The following SRCIN1 variants were observed in gnomAD, a reference collection of about 807,000 sequenced individuals.
SRCIN1 encodes the protein SRC kinase signaling inhibitor 1, also known as P130Cas-associated protein.
In SRCIN1, 50 loss-of-function variants were observed where a neutral mutation model predicts 116.2. That is an observed-to-expected ratio of 0.43 (90% CI 0.34 to 0.54). SRCIN1 has a LOEUF of 0.54. Among genes scored for constraint, SRCIN1 ranks in the 20% least tolerant of loss-of-function variants. SRCIN1 has a pLI of 0.02. For missense variants in SRCIN1, 1,446 were observed against 1,672.0 expected (o/e 0.86, Z 2.36); for synonymous variants, 736 against 750.0 (o/e 0.98, Z 0.30).
intron 2 of SRCIN1, among the ~76,000 whole-genome samples, chr17:38,570,595 C>T (rs1170370696): frequency 1.3e-5 from 2 of 151,892 alleles, no homozygotes; most frequent in Admixed American, 1.3e-4. Context: ...CCCACCCTGC[C>T]ACCAGTGTCA....
intron 17 of SRCIN1, among the ~76,000 whole-genome samples, chr17:38,548,255 G>A (rs1027262582): frequency 2.6e-5 from 4 of 152,134 alleles, no homozygotes; most frequent in Non-Finnish European, 5.9e-5. Context: ...CTCCAAACTC[G>A]GTGATCTCAG....
intron 18 of SRCIN1, among the ~76,000 whole-genome samples, 155 bp from the exon 19 acceptor site, chr17:38,533,586 C>G (rs1239023303): frequency 1.4e-5 from 1 of 72,444 alleles, no homozygotes; most frequent in African/African-American, 5.5e-5. Flanking sequence ...AGAGGGGTCC[C>G]TTGAATGGTG....
Position 38,563,947 on chromosome 17 carries a change from G to C in SRCIN1, c.541+171C>G. 1 of 732,660 alleles carries C rather than the reference G, an allele frequency of 1.4e-6. No homozygotes were observed. Among genetic ancestry groups the C allele is most frequent in the Non-Finnish European group, 2.2e-6 (1 of 450,866 alleles). The allele number at this position is 732,660 out of a possible 1,614,324, so 45.4% of individuals were successfully genotyped here. On this transcript the variant is annotated intron_variant, in intron 4 of 18. Coordinates refer to ENST00000617146, the MANE Select transcript of SRCIN1 (RefSeq NM_025248.3). This position sits in a 1 kb window ranked among gnomAD's most constrained non-coding sequence, Gnocchi z 5.8. The stretch of plus-strand genomic sequence containing the variant: ...GAAAGGGGTCGGGTGGGGATGCTGA[G>C]GGCGAGAGAGAGATGGAGAGAGCTG...
rs1343040513 is a variant in SRCIN1, at chr17:38,562,770, C to A, written c.834+57G>T. On this transcript the variant is annotated intron_variant, in intron 6 of 18. Coordinates refer to ENST00000617146, the MANE Select transcript of SRCIN1 (RefSeq NM_025248.3). The surrounding 1 kb of genome is among the most constrained non-coding windows in gnomAD (Gnocchi z 4.2). ...CCAGATGACAACTGCCCAGACCCTG[C>A]TCCCCTGGACCCCATGTGCCCAGCC... The A allele has an allele frequency of 1.3e-6, 2 of 1,490,790 alleles. No homozygotes were observed. Among genetic ancestry groups the A allele is most frequent in the Non-Finnish European group, 1.9e-6 (2 of 1,080,072 alleles). 92.3% of individuals were successfully genotyped at this position (1,490,790 alleles called of 1,614,324 possible).
In SRCIN1 at chr17:38,558,199, C is replaced by T; in HGVS notation, c.2201+28G>A. ...GGGTCACTCCAGCCGCACCCCCACCCCTCCCTCCGCCGCGGGCCCAGCCTC... is the reference window on the plus strand; with the variant it reads ...GGGTCACTCCAGCCGCACCCCCACCTCTCCCTCCGCCGCGGGCCCAGCCTC... On this transcript the variant is annotated intron_variant, in intron 11 of 18. Transcript: ENST00000617146. The surrounding 1 kb of genome is among the most constrained non-coding windows in gnomAD (Gnocchi z 4.6). The T allele has an allele frequency of 1.9e-6, 3 of 1,605,030 alleles. No individual in the cohort carries two copies. The highest frequency in any genetic ancestry group is 2.6e-6 in the Non-Finnish European group (3 of 1,174,372).
chr17:38,580,333 G>T (rs906144038), intron 1 of SRCIN1, among the ~76,000 whole-genome samples: 1 of 152,098 alleles, frequency 6.6e-6, no homozygotes, highest in Non-Finnish European at 1.5e-5. Context: ...CAATGGTTGG[G>T]TTGTGTCCAT....
At position 38,578,613 on chromosome 17, in the gene SRCIN1, C is replaced by G; in HGVS notation, c.201G>C (p.Ala67=). The change falls in exon 2 of 19, where the codon GCG becomes GCC. Residue 67 remains alanine, a synonymous_variant. Coordinates refer to ENST00000617146, the MANE Select transcript of SRCIN1 (RefSeq NM_025248.3). ...CGTCCGCCTTCTGGAGCCCGCTGAG[C>G]GCCTCCAGACTCTGGGCCGCGATCA... ...HTVIAAQSLE[A]LSGLQKADAD... 3.7e-6 allele frequency: 6 copies of G among 1,609,414 alleles called. No individual in the cohort carries two copies. The highest frequency in any genetic ancestry group is 5.1e-6 in the Non-Finnish European group (6 of 1,178,246).
At chr17:38,578,854 C>A in intron 1 of SRCIN1, 63 bp from the exon 2 acceptor site, 2 of 1,427,952 alleles carry the variant, frequency 1.4e-6, no homozygotes, top group South Asian at 1.5e-5. Context: ...TGCCCATCCC[C>A]CAAGGGGGTC....
At chr17:38,595,765 A>C (rs2143435229) in intron 1 of SRCIN1, among the ~76,000 whole-genome samples, 1 of 149,978 alleles carries the variant, frequency 6.7e-6, no homozygotes, top group East Asian at 2.0e-4. Context: ...TCTTCACCCC[A>C]GCCCTAGCTT....
chr17:38,562,685 C>T lies in SRCIN1; in HGVS notation c.834+142G>A, dbSNP rs1906354667. The T allele has an allele frequency of 1.4e-6, 1 of 722,226 alleles. No individual in the cohort carries two copies. The highest frequency in any genetic ancestry group is 2.3e-6 in the Non-Finnish European group (1 of 440,188). 44.7% of individuals were successfully genotyped at this position (722,226 alleles called of 1,614,324 possible). On this transcript the variant is annotated intron_variant, in intron 6 of 18. Coordinates refer to ENST00000617146, the MANE Select transcript of SRCIN1 (RefSeq NM_025248.3). The surrounding 1 kb of genome is among the most constrained non-coding windows in gnomAD (Gnocchi z 4.2). Reference sequence around the variant, plus strand: ...ATGGAGGGGAAAGTGGCAGGTGGGACAGGGGCTCTTCCCTAACCCCTCAGC... The same window carrying T: ...ATGGAGGGGAAAGTGGCAGGTGGGATAGGGGCTCTTCCCTAACCCCTCAGC...
chr17:38,606,536 G>T (rs1909377962), upstream of SRCIN1, among the ~76,000 whole-genome samples: 1 of 151,968 alleles, frequency 6.6e-6, no homozygotes, highest in African/African-American at 2.4e-5. The surrounding 1 kb of genome is among the most constrained non-coding windows in gnomAD (Gnocchi z 5.2). Flanking sequence ...CCGCCGCCTC[G>T]CCCCCGCTCC....
chr17:38,543,151 G>A (rs1002388972), intron 18 of SRCIN1: 23 of 456,562 alleles, frequency 5.0e-5, no homozygotes, highest in African/African-American at 3.8e-4. Flanking sequence ...AAGAGATTGC[G>A]GCATCCCTGC....
intron 1 of SRCIN1, among the ~76,000 whole-genome samples, chr17:38,595,047 A>G (rs1908649087): frequency 6.6e-6 from 1 of 152,190 alleles, no homozygotes; most frequent in African/African-American, 2.4e-5. Flanking sequence ...CAGGGGGAAC[A>G]GGGGCAGATA....
chr17:38,555,134 C>T (rs1467231897), intron 11 of SRCIN1, among the ~76,000 whole-genome samples: 1 of 152,210 alleles, frequency 6.6e-6, no homozygotes, highest in East Asian at 1.9e-4. Flanking sequence ...CAAAACAAAT[C>T]CTGGAGGTGG....
Position 38,563,429 on chromosome 17 carries a change from G to T in SRCIN1, c.634C>A (p.His212Asn). ...ATGGTGAGCTTCTGCGGGAACATGT[G>T]CGCGATGAGTGCGTGCAGCGTGTCC... ...SLDTLHALIA[H>N]MFPQKLTMGM... The change falls in exon 5 of 19, where the codon CAC becomes AAC. Residue 212 changes from histidine (H) to asparagine (N), a missense_variant. Transcript: ENST00000617146. The surrounding 1 kb of genome is among the most constrained non-coding windows in gnomAD (Gnocchi z 5.8). 17 of 1,567,500 alleles carry T rather than the reference G, an allele frequency of 1.1e-5. No homozygotes were observed. The highest frequency in any genetic ancestry group is 1.5e-5 in the Non-Finnish European group (17 of 1,155,420).
chr17:38,534,811 C>T (rs549237516), intron 18 of SRCIN1, among the ~76,000 whole-genome samples: 1 of 152,232 alleles, frequency 6.6e-6, no homozygotes, highest in South Asian at 2.1e-4. Flanking sequence ...TGTAGTTTGC[C>T]ATCTACATTT....
intron 1 of SRCIN1, among the ~76,000 whole-genome samples, chr17:38,590,585 G>A (rs1297881802): frequency 5.3e-5 from 8 of 152,302 alleles, no homozygotes; most frequent in Non-Finnish European, 1.0e-4. Context: ...ATCTCAAAGG[G>A]CTCGTGCAGC....
chr17:38,559,156 CT>C, intron 10 of SRCIN1: 1 of 200,434 alleles, frequency 5.0e-6, no homozygotes, highest in Non-Finnish European at 1.0e-5. Flanking sequence ...GCCGGGGAGA[CT>C]GTTGGGGCTC....
chr17:38,540,824 C>G (rs753841213), intron 18 of SRCIN1, among the ~76,000 whole-genome samples: 16 of 152,104 alleles, frequency 1.1e-4, no homozygotes, highest in Non-Finnish European at 2.1e-4. Context: ...CCTCCCCACC[C>G]CCAGGTCTTG....
Sources: gnomAD v4.1 joint callset for allele counts (sites outside exome capture counted in the v4.1 genomes callset) on GRCh38, gnomAD v4.1.1 for gene constraint, Gnocchi (gnomAD v3.1) non-coding constraint, MANE v1.5 for transcripts, NCBI Gene and HGNC (gene_info 2026-07-23, HGNC 2026-07-21) for gene names.